The following ATRNL1 variants were observed in gnomAD, a reference collection of about 807,000 sequenced individuals.
ATRNL1 encodes attractin-like protein 1.
In ATRNL1, 95 loss-of-function variants were observed where a neutral mutation model predicts 182.7. The observed-to-expected ratio is 0.52, with a 90% CI of 0.44 to 0.62. ATRNL1 has a LOEUF of 0.62. ATRNL1 is among the 20% of genes least tolerant of loss of function. The pLI, the probability that ATRNL1 is intolerant of heterozygous loss-of-function variation, is 0.00. For missense variants in ATRNL1, 1,471 were observed against 1,679.5 expected, an observed-to-expected ratio of 0.88 and a Z score of 2.17; for synonymous variants, 576 against 568.3, an observed-to-expected ratio of 1.01 and a Z score of -0.19.
Position 115,182,075 on chromosome 10 carries a change from C to T in ATRNL1, c.1348+10783C>T, listed in dbSNP as rs373773730. ...TCTTAGATTCAGTGAGTGAACAATA[C>T]ATTTTTATTTTTTATTATGTTTATA... On this transcript the variant is annotated intron_variant, in intron 8 of 28. Coordinates refer to ENST00000355044, the MANE Select transcript of ATRNL1 (RefSeq NM_207303.4). Among the ~76,000 whole-genome samples the T allele has an allele frequency of 2.2e-4, 34 of 151,624 alleles. 3 individuals are homozygous for T. In the East Asian group the frequency reaches 3.5e-3, roughly 16 times the overall value.
intron 26 of ATRNL1, among the ~76,000 whole-genome samples, chr10:115,598,260 T>C (rs1443764705): frequency 2.0e-5 from 3 of 151,338 alleles, no homozygotes; most frequent in Admixed American, 6.6e-5. Flanking sequence ...TTTACTACTT[T>C]AGAAATATAG....
At chr10:115,166,087 A>C (rs1247539672) in intron 7 of ATRNL1, among the ~76,000 whole-genome samples, 1 of 152,006 alleles carries the variant, frequency 6.6e-6, no homozygotes, top group African/African-American at 2.4e-5. Flanking sequence ...TCTTGAAACC[A>C]CCAATCTACT....
intron 18 of ATRNL1, among the ~76,000 whole-genome samples, chr10:115,318,645 T>C (rs1418341612): frequency 2.6e-5 from 4 of 152,172 alleles, no homozygotes; most frequent in Non-Finnish European, 4.4e-5. Context: ...CAGGAACTTA[T>C]CCATTTCTTC....
intron 5 of ATRNL1, among the ~76,000 whole-genome samples, chr10:115,142,926 G>A (rs1845810861): frequency 6.6e-6 from 1 of 152,120 alleles, no homozygotes; most frequent in African/African-American, 2.4e-5. Flanking sequence ...ACTAATATGA[G>A]GAAGATTTTA....
At chr10:115,866,883 C>T (rs1031694793) in intron 28 of ATRNL1, among the ~76,000 whole-genome samples, 1 of 152,176 alleles carries the variant, frequency 6.6e-6, no homozygotes, top group African/African-American at 2.4e-5. Context: ...GATGCACATC[C>T]GCCTCTGAGT....
At chr10:115,595,478 A>G (rs1396267180) in intron 26 of ATRNL1, among the ~76,000 whole-genome samples, 1 of 152,186 alleles carries the variant, frequency 6.6e-6, no homozygotes, top group Non-Finnish European at 1.5e-5. Flanking sequence ...TTTATTTTCC[A>G]TTTACATTTT....
At chr10:115,444,623 T>A (rs748413217) in intron 21 of ATRNL1, among the ~76,000 whole-genome samples, 4 of 152,172 alleles carry the variant, frequency 2.6e-5, no homozygotes, top group East Asian at 1.9e-4. Context: ...TGTCTCTTAG[T>A]TGTAATGTGT....
chr10:115,448,251 A>G (rs1022205041), intron 21 of ATRNL1, among the ~76,000 whole-genome samples: 2 of 152,152 alleles, frequency 1.3e-5, no homozygotes, highest in Non-Finnish European at 2.9e-5. Context: ...TCTCTTTGCT[A>G]CATGGCACCT....
intron 28 of ATRNL1, among the ~76,000 whole-genome samples, chr10:115,877,373 T>C (rs1951724316): frequency 6.6e-6 from 1 of 152,212 alleles, no homozygotes; most frequent in South Asian, 2.1e-4. Flanking sequence ...CCCAGGATAC[T>C]GTTCTGCTCA....
At chr10:115,481,227 A>T (rs1848749720) in intron 24 of ATRNL1, among the ~76,000 whole-genome samples, 1 of 150,342 alleles carries the variant, frequency 6.7e-6, no homozygotes, top group South Asian at 2.1e-4. Context: ...AATGTTTTTA[A>T]TACTATAAGA....
intron 26 of ATRNL1, among the ~76,000 whole-genome samples, chr10:115,685,911 A>G (rs1946202868): frequency 6.6e-6 from 1 of 151,576 alleles, no homozygotes; most frequent in South Asian, 2.1e-4. Flanking sequence ...CATAATGATG[A>G]GAGTCTCAAT....
chr10:115,318,581 T>G (rs1231372896), intron 18 of ATRNL1, among the ~76,000 whole-genome samples: 2 of 152,160 alleles, frequency 1.3e-5, no homozygotes, highest in Non-Finnish European at 2.9e-5. Context: ...TACTGGTCTA[T>G]TCAGGGATTC....
chr10:115,383,445 T>A (rs1345262384), intron 19 of ATRNL1, among the ~76,000 whole-genome samples: 1 of 151,968 alleles, frequency 6.6e-6, no homozygotes, highest in Non-Finnish European at 1.5e-5. Flanking sequence ...GCATGCTAGA[T>A]TAACTATGTG....
chr10:115,718,177 G>C (rs186900711), intron 26 of ATRNL1, among the ~76,000 whole-genome samples: 1 of 152,254 alleles, frequency 6.6e-6, no homozygotes, highest in East Asian at 1.9e-4. Context: ...CAACTACTGA[G>C]CTTTTGGGAA....
chr10:115,833,700 T>C (rs1555094492), intron 27 of ATRNL1, among the ~76,000 whole-genome samples: 1 of 152,138 alleles, frequency 6.6e-6, no homozygotes, highest in African/African-American at 2.4e-5. Context: ...GATGAGGAAA[T>C]TGAGCACAGA....
intron 27 of ATRNL1, among the ~76,000 whole-genome samples, chr10:115,759,839 C>CTTTTTTTT (rs1565354358): frequency 1.1e-5 from 1 of 88,432 alleles, no homozygotes; most frequent in African/African-American, 4.7e-5. Context: ...CCACACCTGG[C>CTTTTTTTT]TATTTTTTTT....
At chr10:115,625,705 T>C (rs782052077) in intron 26 of ATRNL1, among the ~76,000 whole-genome samples, 10 of 152,154 alleles carry the variant, frequency 6.6e-5, no homozygotes, top group Non-Finnish European at 1.5e-4. Flanking sequence ...ACTCCATTCA[T>C]GCAATTTAAT....
At chr10:115,781,683 T>G (rs1453993776) in intron 27 of ATRNL1, among the ~76,000 whole-genome samples, 1 of 152,206 alleles carries the variant, frequency 6.6e-6, no homozygotes, top group Non-Finnish European at 1.5e-5. Context: ...GAAGAGGGAA[T>G]AAGGCAAGTT....
At chr10:115,117,790 G>A (rs562218206) in intron 1 of ATRNL1, among the ~76,000 whole-genome samples, 1 of 152,202 alleles carries the variant, frequency 6.6e-6, no homozygotes, top group Non-Finnish European at 1.5e-5. Flanking sequence ...GTTCTCCATA[G>A]TGGTTGTACT....
Sources: gnomAD v4.1 joint callset for allele counts (sites outside exome capture counted in the v4.1 genomes callset) on GRCh38, gnomAD v4.1.1 for gene constraint, MANE v1.5 for transcripts, NCBI Gene and HGNC (gene_info 2026-07-23, HGNC 2026-07-21) for gene names.